The following PDE4D variants were observed in gnomAD, a reference collection of about 807,000 sequenced individuals.
PDE4D encodes the protein 3',5'-cyclic-AMP phosphodiesterase 4D.
In PDE4D, 24 loss-of-function variants were observed where a neutral mutation model predicts 87.4. That is an observed-to-expected ratio of 0.27 (90% CI 0.20 to 0.39). PDE4D has a LOEUF of 0.39. Ranked by LOEUF, PDE4D falls within the 10% of genes least tolerant of loss-of-function variation. The pLI is 1.00. For missense variants in PDE4D, 714 were observed against 1,041.0 expected (o/e 0.69, Z 4.32); for synonymous variants, 384 against 383.2 (o/e 1.00, Z -0.02).
At chr5:59,735,850 G>A (rs1452670368) in intron 1 of PDE4D, among the ~76,000 whole-genome samples, 3 of 151,926 alleles carry the variant, frequency 2.0e-5, no homozygotes, top group Admixed American at 2.0e-4. Flanking sequence ...AATATTTTTA[G>A]TACAGACGGG....
chr5:59,048,073 G>C (rs188672667), intron 5 of PDE4D, among the ~76,000 whole-genome samples: 19 of 152,324 alleles, frequency 1.2e-4, no homozygotes, highest in Admixed American at 2.6e-4. Flanking sequence ...ATTCAGTACA[G>C]ACCGTATATA....
rs180767244 is a variant in PDE4D, at chr5:59,485,393, A to G, written c.456-269425T>C. Among the ~76,000 whole-genome samples, 65 of 152,120 alleles carry G rather than the reference A, an allele frequency of 4.3e-4. No individual in the cohort carries two copies. In the Middle Eastern group the frequency reaches 0.014, roughly 32 times the overall value. On this transcript the variant is annotated intron_variant, in intron 1 of 14. Coordinates refer to ENST00000340635, the MANE Select transcript of PDE4D (RefSeq NM_001104631.2). ...CATCTGGCCCTGCTTATATACCCAC[A>G]CTGCAAGTTTTTAAAAAAAGATATA...
intron 1 of PDE4D, among the ~76,000 whole-genome samples, chr5:59,830,102 G>T (rs1740954764): frequency 6.6e-6 from 1 of 151,986 alleles, no homozygotes; most frequent in African/African-American, 2.4e-5. Context: ...ATCAATATGG[G>T]ATGTGCTCAC....
At chr5:59,939,035 A>G (rs1214726492) in intron 3 of PDE4D, among the ~76,000 whole-genome samples, 2 of 152,222 alleles carry the variant, frequency 1.3e-5, no homozygotes, top group African/African-American at 4.8e-5. Flanking sequence ...TAATTGCCAG[A>G]GTGAAACCCT....
intron 5 of PDE4D, among the ~76,000 whole-genome samples, chr5:59,163,246 C>T (rs1781416498): frequency 6.7e-6 from 1 of 150,224 alleles, no homozygotes; most frequent in African/African-American, 2.5e-5. Flanking sequence ...CCGTGCCTGG[C>T]CAATCGAATT....
intron 1 of PDE4D, among the ~76,000 whole-genome samples, chr5:59,308,976 G>A (rs906317673): frequency 1.3e-5 from 2 of 152,054 alleles, no homozygotes; most frequent in African/African-American, 4.8e-5. Context: ...GTGCACCTAG[G>A]AGGATTATGG....
chr5:60,422,254 A>C (rs1743185376), intron 1 of PDE4D, among the ~76,000 whole-genome samples: 1 of 152,216 alleles, frequency 6.6e-6, no homozygotes, highest in South Asian at 2.1e-4. Context: ...AGATTCACCA[A>C]GGTTGAAATG....
At chr5:60,154,748 C>G (rs1450153408) in intron 2 of PDE4D, among the ~76,000 whole-genome samples, 1 of 152,166 alleles carries the variant, frequency 6.6e-6, no homozygotes, top group African/African-American at 2.4e-5. Flanking sequence ...CTCTCCTACT[C>G]CATAAGGGTA....
chr5:59,156,307 C>CAA (rs1780164127), intron 5 of PDE4D, among the ~76,000 whole-genome samples: 1 of 27,324 alleles, frequency 3.7e-5, no homozygotes, highest in Admixed American at 3.5e-4. Context: ...AGAGACTTGC[C>CAA]AGAAAAAAAA....
At chr5:59,720,840 A>G (rs1425240397) in intron 1 of PDE4D, among the ~76,000 whole-genome samples, 1 of 152,166 alleles carries the variant, frequency 6.6e-6, no homozygotes, top group African/African-American at 2.4e-5. Flanking sequence ...ATGAAATTAC[A>G]TAGAGTCTAA....
At chr5:60,351,747 C>T (rs1167940117) in intron 1 of PDE4D, among the ~76,000 whole-genome samples, 2 of 151,946 alleles carry the variant, frequency 1.3e-5, no homozygotes, top group African/African-American at 4.8e-5. Context: ...AATAGTCTCT[C>T]ACTTTGCTGG....
chr5:59,492,998 C>T (rs906655619), intron 1 of PDE4D, among the ~76,000 whole-genome samples: 1 of 152,062 alleles, frequency 6.6e-6, no homozygotes, highest in African/African-American at 2.4e-5. Flanking sequence ...CTTTTTCTTC[C>T]TAGTGTCAAG....
intron 1 of PDE4D, among the ~76,000 whole-genome samples, chr5:59,418,440 G>C (rs1045821464): frequency 6.6e-6 from 1 of 152,038 alleles, no homozygotes; most frequent in Non-Finnish European, 1.5e-5. Context: ...CTTCAACTCT[G>C]CATAACTGAA....
intron 1 of PDE4D, among the ~76,000 whole-genome samples, chr5:59,458,594 T>TA (rs1164165143): frequency 6.6e-6 from 1 of 152,190 alleles, no homozygotes; most frequent in Non-Finnish European, 1.5e-5. Context: ...CTTTGCATGT[T>TA]AAAAAATAAC....
At chr5:59,713,118 G>GA (rs1042933974) in intron 1 of PDE4D, among the ~76,000 whole-genome samples, 2 of 151,538 alleles carry the variant, frequency 1.3e-5, no homozygotes, top group Non-Finnish European at 1.5e-5. Context: ...GAACTCACAG[G>GA]AAAAAAAACA....
chr5:59,617,553 T>C (rs114840470), intron 1 of PDE4D, among the ~76,000 whole-genome samples: 6,488 of 152,144 alleles, frequency 0.043, 190 homozygotes, highest in African/African-American at 0.083. Flanking sequence ...AGAGAGTAGG[T>C]CCCTAATCCA....
At chr5:59,429,904 T>C (rs1397018488) in intron 1 of PDE4D, among the ~76,000 whole-genome samples, 1 of 152,220 alleles carries the variant, frequency 6.6e-6, no homozygotes, top group African/African-American at 2.4e-5. Context: ...ATTAATGTGT[T>C]ATGATGCATT....
At chr5:59,144,364 G>C (rs1778322495) in intron 5 of PDE4D, among the ~76,000 whole-genome samples, 2 of 152,072 alleles carry the variant, frequency 1.3e-5, no homozygotes, top group African/African-American at 4.8e-5. Context: ...AGCCATCATA[G>C]CCTATTATTT....
intron 1 of PDE4D, among the ~76,000 whole-genome samples, chr5:59,347,435 T>C (rs751225771): frequency 1.3e-5 from 2 of 152,098 alleles, no homozygotes; most frequent in African/African-American, 4.8e-5. Flanking sequence ...TTCCTTTTAA[T>C]GCAAGATTTA....
Sources: gnomAD v4.1 joint callset for allele counts (sites outside exome capture counted in the v4.1 genomes callset) on GRCh38, gnomAD v4.1.1 for gene constraint, MANE v1.5 for transcripts, NCBI Gene and HGNC (gene_info 2026-07-23, HGNC 2026-07-21) for gene names.